GSG1L: variants seen among roughly 807,000 people sequenced by gnomAD.
The protein encoded by GSG1L is GSG1 like.
A neutral mutation model predicts 42.1 loss-of-function variants in GSG1L; 24 were observed. That is an observed-to-expected ratio of 0.57 (90% CI 0.41 to 0.80). The LOEUF is 0.80. Ranked by LOEUF, GSG1L falls within the 30% of genes least tolerant of loss-of-function variation. The probability of loss-of-function intolerance (pLI) is 0.00; values close to 1 mark genes in which losing one functional copy is unlikely to be tolerated. For missense variants in GSG1L, 445 were observed against 472.2 expected (o/e 0.94, Z 0.53); for synonymous variants, 215 against 203.5 (o/e 1.06, Z -0.48).
chr16:27,888,823 G>T (rs1337994180), intron 2 of GSG1L, among the ~76,000 whole-genome samples: 1 of 151,316 alleles, frequency 6.6e-6, no homozygotes, highest in African/African-American at 2.4e-5. Context: ...TCACCATGTT[G>T]GCCAGGCTTG....
At chr16:27,951,424 G>A (rs2084949116) in intron 2 of GSG1L, among the ~76,000 whole-genome samples, 1 of 152,194 alleles carries the variant, frequency 6.6e-6, no homozygotes, top group African/African-American at 2.4e-5. Flanking sequence ...CAGCTTCCAT[G>A]TTTCTGGGCC....
At chr16:27,950,567 C>G (rs969404908) in intron 2 of GSG1L, among the ~76,000 whole-genome samples, 1 of 151,996 alleles carries the variant, frequency 6.6e-6, no homozygotes, top group African/African-American at 2.4e-5. Flanking sequence ...GTTTCTCAAG[C>G]AAATGCGTCT....
In GSG1L at chr16:27,884,861, T is replaced by C. The variant is rs2084009544; in HGVS notation, c.398-223A>G. Reference sequence around the variant, plus strand: ...GTCAGCATTCTCTGGATCCTATTACTGGGGAAGAACTTTTATCCTGTGGCT... The same window carrying C: ...GTCAGCATTCTCTGGATCCTATTACCGGGGAAGAACTTTTATCCTGTGGCT... On this transcript the variant is annotated intron_variant, in intron 2 of 6. Coordinates refer to ENST00000447459, the MANE Select transcript of GSG1L (RefSeq NM_001109763.2). This position sits in a 1 kb window ranked among gnomAD's most constrained non-coding sequence, Gnocchi z 4.4. 6.6e-6 allele frequency among the ~76,000 whole-genome samples: 1 copy of C among 152,182 alleles called. No individual in the cohort carries two copies. Among genetic ancestry groups the C allele is most frequent in the African/African-American group, 2.4e-5 (1 of 41,438 alleles).
intron 1 of GSG1L, among the ~76,000 whole-genome samples, chr16:28,051,313 G>T (rs951675720): frequency 7.9e-5 from 12 of 152,164 alleles, no homozygotes; most frequent in Non-Finnish European, 1.5e-4. Context: ...AGGGCTCCAG[G>T]TTCTGGTGCC....
chr16:27,824,602 C>G (rs903554286), intron 5 of GSG1L, among the ~76,000 whole-genome samples: 1 of 152,028 alleles, frequency 6.6e-6, no homozygotes, highest in Non-Finnish European at 1.5e-5. Context: ...CTGAAATGCT[C>G]TCCTCAGAGG....
intron 2 of GSG1L, among the ~76,000 whole-genome samples, chr16:27,923,784 A>C (rs921896763): frequency 1.3e-5 from 2 of 151,804 alleles, no homozygotes; most frequent in Non-Finnish European, 2.9e-5. Flanking sequence ...GAGAGAGAGA[A>C]AGAAAGACAG....
At chr16:27,950,899 C>T (rs1322842786) in intron 2 of GSG1L, among the ~76,000 whole-genome samples, 1 of 152,174 alleles carries the variant, frequency 6.6e-6, no homozygotes, top group Admixed American at 6.5e-5. Context: ...CTCCTCCACT[C>T]AATCTTCCTA....
At chr16:27,965,182 C>T (rs4788016) in intron 1 of GSG1L, among the ~76,000 whole-genome samples, 36,803 of 151,728 alleles carry the variant, frequency 0.24, 4,975 homozygotes, top group East Asian at 0.49. Flanking sequence ...TCACGCCCAG[C>T]CAATTTTTGT....
chr16:27,828,909 G>A lies in GSG1L; in HGVS notation c.710C>T (p.Thr237Met), dbSNP rs747105564. Residue 237 changes from threonine to methionine, a missense_variant, in exon 5 of 7, where the codon ACG (threonine) becomes ATG (methionine). Thr to Met is a moderately conservative substitution (Grantham distance 81). Coordinates refer to ENST00000447459, the MANE Select transcript of GSG1L (RefSeq NM_001109763.2). ...GACCGTCTTGGTGTAGGAGTTGAGCGTGGTGACAGAGGCTGCCATGCAGCA... is the reference window on the plus strand; with the variant it reads ...GACCGTCTTGGTGTAGGAGTTGAGCATGGTGACAGAGGCTGCCATGCAGCA... Reference protein sequence around the residue: ...FTCCMAASVTTLNSYTKTVIE... With the variant: ...FTCCMAASVTMLNSYTKTVIE... 14 of 1,614,092 alleles carry A rather than the reference G, an allele frequency of 8.7e-6. No homozygotes were observed. The highest frequency in any genetic ancestry group is 5.3e-5 in the African/African-American group (4 of 74,930).
chr16:28,058,941 A>C (rs1206520531), intron 1 of GSG1L, among the ~76,000 whole-genome samples: 4 of 152,214 alleles, frequency 2.6e-5, no homozygotes, highest in Non-Finnish European at 5.9e-5. Context: ...GCTGTGCCCC[A>C]CATCTAACGA....
chr16:27,947,585 G>GAAAGAAAGAAAGAAAGAA (rs2084897884), intron 2 of GSG1L, among the ~76,000 whole-genome samples: 3 of 104,330 alleles, frequency 2.9e-5, no homozygotes, highest in Admixed American at 8.6e-5. Flanking sequence ...AAGAAAGAAA[G>GAAAGAAAGAAAGAAAGAA]AAAGAAAGAA....
chr16:27,936,763 T>C (rs1490748985), intron 2 of GSG1L, among the ~76,000 whole-genome samples: 2 of 152,200 alleles, frequency 1.3e-5, no homozygotes, highest in African/African-American at 2.4e-5. Flanking sequence ...CAAAAGTAAT[T>C]GCAGTGTTTG....
chr16:27,877,330 A>G (rs1259996223), intron 3 of GSG1L, among the ~76,000 whole-genome samples: 9 of 152,194 alleles, frequency 5.9e-5, no homozygotes, highest in African/African-American at 2.2e-4. Context: ...CACTTTTGCC[A>G]TCGTAGACCT....
At chr16:27,920,747 C>A (rs185037307) in intron 2 of GSG1L, among the ~76,000 whole-genome samples, 1 of 152,290 alleles carries the variant, frequency 6.6e-6, no homozygotes, top group East Asian at 1.9e-4. Flanking sequence ...TAATTAAATC[C>A]CAGAAGATTG....
At chr16:27,856,160 C>T (rs190738661) in intron 3 of GSG1L, among the ~76,000 whole-genome samples, 5 of 152,156 alleles carry the variant, frequency 3.3e-5, no homozygotes, top group African/African-American at 4.8e-5. Flanking sequence ...AATGTGCACC[C>T]CCCCCCATCC....
chr16:27,787,532 T>C lies in GSG1L; in HGVS notation c.*3838A>G, dbSNP rs942448730. ...TCCGCATATCATAACCACATACCAC[T>C]TGCACGATTATTTATTTAATATTTT... On this transcript the variant is annotated 3_prime_UTR_variant, in exon 7 of 7. Coordinates refer to ENST00000447459, the MANE Select transcript of GSG1L (RefSeq NM_001109763.2). 1.3e-5 allele frequency: 2 copies of C among 152,200 alleles called. No homozygotes were observed. Among genetic ancestry groups the C allele is most frequent in the African/African-American group, 2.4e-5 (1 of 41,454 alleles). The allele number at this position is 152,200 out of a possible 1,614,324, so 9.4% of individuals were successfully genotyped here.
intron 4 of GSG1L, 128 bp from the exon 5 acceptor site, chr16:27,829,084 CCA>C (rs1237377677): frequency 1.2e-6 from 1 of 827,642 alleles, no homozygotes; most frequent in East Asian, 2.7e-5. Context: ...GCAGTTACTG[CCA>C]CAGAGAAGGA....
intron 1 of GSG1L, among the ~76,000 whole-genome samples, chr16:28,041,810 T>G (rs2086109101): frequency 6.6e-6 from 1 of 152,180 alleles, no homozygotes; most frequent in African/African-American, 2.4e-5. Flanking sequence ...TCTTTGCAAC[T>G]CAAGATGCAA....
At chr16:27,820,885 G>A (rs913842441) in intron 5 of GSG1L, among the ~76,000 whole-genome samples, 7 of 152,138 alleles carry the variant, frequency 4.6e-5, no homozygotes, top group African/African-American at 1.4e-4. Flanking sequence ...CCATCGAGGC[G>A]CTCACTCTCA....
Sources: gnomAD v4.1 joint callset for allele counts (sites outside exome capture counted in the v4.1 genomes callset) on GRCh38, gnomAD v4.1.1 for gene constraint, Gnocchi (gnomAD v3.1) non-coding constraint, MANE v1.5 for transcripts, NCBI Gene and HGNC (gene_info 2026-07-23, HGNC 2026-07-21) for gene names.